Variants in KRABD2 observed in about 807,000 individuals in gnomAD.
KRABD2 encodes the protein KRAB domain-containing protein 2.
the KRABD2 span, chr17:8,375,701 CTTTTTT>C: frequency 2.0e-5 from 3 of 146,878 alleles, no homozygotes; most frequent in South Asian, 2.3e-4. Flanking sequence ...TCTTTTCTTT[CTTTTTT>C]TTTTTTTTTT....
At chr17:8,361,983 C>T in the KRABD2 span, among the ~76,000 whole-genome samples, 19 of 152,312 alleles carry the variant, frequency 1.2e-4, no homozygotes, top group Admixed American at 5.9e-4. Context: ...TATTTAAACT[C>T]ATTTCTTCAG....
chr17:8,374,105 C>T, the KRABD2 span, among the ~76,000 whole-genome samples: 9 of 151,932 alleles, frequency 5.9e-5, no homozygotes, highest in East Asian at 9.7e-4. Context: ...TCTGCCGGGC[C>T]GCCACCCCGT....
the KRABD2 span, among the ~76,000 whole-genome samples, chr17:8,361,148 G>A: frequency 1.3e-5 from 2 of 152,154 alleles, no homozygotes; most frequent in Non-Finnish European, 2.9e-5. Flanking sequence ...GAAAAAGTGG[G>A]TAAATAGAGA....
At chr17:8,368,923 G>A in the KRABD2 span, 7 of 783,744 alleles carry the variant, frequency 8.9e-6, no homozygotes, top group South Asian at 4.4e-5. Context: ...GGGCATGAGC[G>A]CTGCGCCCGG....
chr17:8,372,847 T>A, the KRABD2 span, among the ~76,000 whole-genome samples: 1 of 152,154 alleles, frequency 6.6e-6, no homozygotes, highest in African/African-American at 2.4e-5. This position sits in a 1 kb window ranked among gnomAD's most constrained non-coding sequence, Gnocchi z 4.1. Context: ...GAGGATTGCT[T>A]GAGGCCAGGA....
At chr17:8,362,308 C>T in the KRABD2 span, among the ~76,000 whole-genome samples, 1 of 150,310 alleles carries the variant, frequency 6.7e-6, no homozygotes, top group Non-Finnish European at 1.5e-5. The surrounding 1 kb of genome is among the most constrained non-coding windows in gnomAD (Gnocchi z 4.2). Context: ...CCAGCCTGGG[C>T]GACAGAGGAA....
the KRABD2 span, among the ~76,000 whole-genome samples, chr17:8,363,815 CAT>C: frequency 1.4e-4 from 14 of 101,528 alleles, no homozygotes; most frequent in East Asian, 2.5e-3. Flanking sequence ...ATATATCATA[CAT>C]ATATATATCA....
chr17:8,366,135 A>AG, the KRABD2 span, among the ~76,000 whole-genome samples: 15 of 151,702 alleles, frequency 9.9e-5, no homozygotes, highest in Non-Finnish European at 2.1e-4. Context: ...TCTCAAAAAA[A>AG]AAATAATAAA....
the KRABD2 span, chr17:8,372,129 T>A: frequency 1.0e-6 from 1 of 977,282 alleles, no homozygotes; most frequent in Non-Finnish European, 1.2e-6. The surrounding 1 kb of genome is among the most constrained non-coding windows in gnomAD (Gnocchi z 4.1). Context: ...TGAGCAAGAG[T>A]CTCAGTTAAG....
the KRABD2 span, chr17:8,376,549 A>C: frequency 1.0e-6 from 1 of 987,886 alleles, no homozygotes; most frequent in South Asian, 4.7e-5. Flanking sequence ...GCCTGGATCC[A>C]TGCCCGTCCA....
chr17:8,363,217 T>C, the KRABD2 span, among the ~76,000 whole-genome samples: 1 of 152,110 alleles, frequency 6.6e-6, no homozygotes. Flanking sequence ...GATTATTGAC[T>C]CTGAGAAGCC....
At chr17:8,376,319 C>G in the KRABD2 span, 193 of 1,221,168 alleles carry the variant, frequency 1.6e-4, no homozygotes, top group African/African-American at 2.6e-3. Flanking sequence ...AGCAAAGTTA[C>G]TGAGGCCTCA....
chr17:8,362,662 TG>T, the KRABD2 span, among the ~76,000 whole-genome samples: 1 of 152,202 alleles, frequency 6.6e-6, no homozygotes, highest in Non-Finnish European at 1.5e-5. The surrounding 1 kb of genome is among the most constrained non-coding windows in gnomAD (Gnocchi z 4.2). Context: ...CAGTATTGAA[TG>T]GACGATGAAC....
chr17:8,370,392 A>G, the KRABD2 span: 1 of 1,522,010 alleles, frequency 6.6e-7, no homozygotes, highest in Admixed American at 2.3e-5. Flanking sequence ...GGATCCTAAG[A>G]AAGGAAGAAA....
At chr17:8,363,846 T>C in the KRABD2 span, among the ~76,000 whole-genome samples, 1 of 87,422 alleles carries the variant, frequency 1.1e-5, no homozygotes, top group African/African-American at 4.1e-5. Context: ...TATATATATA[T>C]ATATATATAT....
the KRABD2 span, among the ~76,000 whole-genome samples, chr17:8,362,550 T>C: frequency 6.6e-6 from 1 of 152,158 alleles, no homozygotes. The surrounding 1 kb of genome is among the most constrained non-coding windows in gnomAD (Gnocchi z 4.2). Context: ...TTATGTACTG[T>C]TGCATAACAA....
At chr17:8,369,148 G>C in the KRABD2 span, 35 of 1,612,906 alleles carry the variant, frequency 2.2e-5, no homozygotes, top group Non-Finnish European at 2.9e-5. Context: ...CAGCAGAGGA[G>C]ACCGGAAGTC....
At chr17:8,370,060 G>A in the KRABD2 span, 17 of 1,613,886 alleles carry the variant, frequency 1.1e-5, no homozygotes, top group South Asian at 1.2e-4. Flanking sequence ...ACATAATACC[G>A]TATTCGATCA....
the KRABD2 span, among the ~76,000 whole-genome samples, chr17:8,363,813 TAC>T: frequency 5.4e-5 from 6 of 111,434 alleles, no homozygotes; most frequent in South Asian, 2.8e-4. Context: ...ATATATATCA[TAC>T]ATATATATAT....
Sources: allele counts gnomAD v4.1 joint callset (sites outside exome capture counted in the v4.1 genomes callset), GRCh38; gene constraint gnomAD v4.1.1; non-coding constraint Gnocchi (gnomAD v3.1); transcripts MANE v1.5; gene names NCBI Gene and HGNC (gene_info 2026-07-23, HGNC 2026-07-21).